TTLL6: variants seen among roughly 807,000 people sequenced by gnomAD.
TTLL6 encodes the protein tubulin polyglutamylase TTLL6.
A neutral mutation model predicts 96.4 loss-of-function variants in TTLL6; 75 were observed. The observed-to-expected ratio is 0.78, with a 90% CI of 0.65 to 0.94. The LOEUF is 0.94. TTLL6 is among the 40% of genes least tolerant of loss of function. The pLI is 0.00. For missense variants in TTLL6, 1,030 were observed against 1,093.0 expected (o/e 0.94, Z 0.81); for synonymous variants, 411 against 419.4 (o/e 0.98, Z 0.24).
chr17:48,764,534 A>C (rs943087505), intron 15 of TTLL6, among the ~76,000 whole-genome samples: 11 of 152,078 alleles, frequency 7.2e-5, no homozygotes, highest in Non-Finnish European at 1.6e-4. Context: ...TGTAAACCTG[A>C]TGTGTGGAAG....
At chr17:48,814,935 C>G (rs545314778) in intron 1 of TTLL6, among the ~76,000 whole-genome samples, 4 of 152,106 alleles carry the variant, frequency 2.6e-5, no homozygotes, top group African/African-American at 9.7e-5. Context: ...TGCACCACCA[C>G]GCCTGGCTAA....
At chr17:48,775,702 C>T (rs7216911) in intron 13 of TTLL6, among the ~76,000 whole-genome samples, 46,240 of 151,676 alleles carry the variant, frequency 0.3, 7,307 homozygotes, top group Admixed American at 0.41. Flanking sequence ...CCACCACATC[C>T]GGTTAATTTT....
chr17:48,795,223 G>A (rs780815180), intron 8 of TTLL6, among the ~76,000 whole-genome samples: 21 of 151,964 alleles, frequency 1.4e-4, no homozygotes, highest in Admixed American at 2.6e-4. Context: ...CTACTTGGGA[G>A]GCTGAGGCAG....
At chr17:48,785,255 T>C in intron 12 of TTLL6, 54 bp from the exon 13 acceptor site, 7 of 1,608,980 alleles carry the variant, frequency 4.4e-6, no homozygotes, top group East Asian at 2.2e-5. Context: ...CTCTATCCAC[T>C]TCCAGATTCA....
chr17:48,784,611 TTCCA>T (rs2039052053), intron 13 of TTLL6, among the ~76,000 whole-genome samples: 6 of 152,096 alleles, frequency 3.9e-5, no homozygotes, highest in African/African-American at 1.4e-4. Flanking sequence ...GGTTTCAGAC[TTCCA>T]GCCTCAAGAA....
chr17:48,769,646 G>A (rs1306564927), intron 14 of TTLL6, 82 bp downstream of exon 14: 24 of 1,505,658 alleles, frequency 1.6e-5, no homozygotes, highest in Non-Finnish European at 2.1e-5. Flanking sequence ...AAGACTGGGA[G>A]CTCCCCAAAG....
chr17:48,771,766 G>A (rs2038753206), intron 13 of TTLL6, among the ~76,000 whole-genome samples: 7 of 151,890 alleles, frequency 4.6e-5, no homozygotes, highest in Admixed American at 4.6e-4. Flanking sequence ...ATGATGTCCA[G>A]CATCCAAACT....
At chr17:48,773,687 A>G in intron 13 of TTLL6, among the ~76,000 whole-genome samples, 1 of 152,070 alleles carries the variant, frequency 6.6e-6, no homozygotes, top group Admixed American at 6.6e-5. Flanking sequence ...GTGTCATTAC[A>G]CTCCAGCCTG....
At chr17:48,776,941 A>C (rs1257195412) in intron 13 of TTLL6, among the ~76,000 whole-genome samples, 4 of 151,648 alleles carry the variant, frequency 2.6e-5, no homozygotes, top group African/African-American at 9.7e-5. Flanking sequence ...TGGAGGACTT[A>C]TATTATCTAA....
chr17:48,770,155 CTATTTTTTTTTTATTTT>C (rs1249104207), intron 13 of TTLL6, 58 bp from the exon 14 acceptor site: 1 of 1,517,774 alleles, frequency 6.6e-7, no homozygotes, highest in East Asian at 2.3e-5. Flanking sequence ...CCTTCCTATG[CTATTTTTTTTTTATTTT>C]TATTTTTTGA....
chr17:48,789,718 C>A (rs2039180672), intron 10 of TTLL6, among the ~76,000 whole-genome samples: 1 of 152,042 alleles, frequency 6.6e-6, no homozygotes, highest in Non-Finnish European at 1.5e-5. Flanking sequence ...CCATACCCGG[C>A]TAATTTTTTT....
At position 48,787,861 on chromosome 17, in the gene TTLL6, G is replaced by C; in HGVS notation, c.1539C>G (p.Asn513Lys). ...AAGCAACAGTATTCTGGAAGAGGGA[G>C]TTGTTGTCCTGGAAAAACTTCTCAT... Reference protein sequence around the residue: ...EKYEKFFQDNNSLFQNTVASR... With the variant: ...EKYEKFFQDNKSLFQNTVASR... The change falls in exon 11 of 16, where the codon AAC (asparagine) becomes AAG (lysine). Residue 513 changes from asparagine to lysine, a missense_variant. Asn to Lys is a moderately conservative substitution (Grantham distance 94). Coordinates refer to ENST00000393382, the MANE Select transcript of TTLL6 (RefSeq NM_001130918.3). The C allele has an allele frequency of 6.2e-7, 1 of 1,614,224 alleles. No individual in the cohort carries two copies. Among genetic ancestry groups the C allele is most frequent in the East Asian group, 2.2e-5 (1 of 44,890 alleles).
intron 8 of TTLL6, among the ~76,000 whole-genome samples, chr17:48,792,762 C>A (rs990197123): frequency 3.3e-5 from 5 of 152,188 alleles, no homozygotes; most frequent in African/African-American, 4.8e-5. Flanking sequence ...CCTCCTCCAC[C>A]TGCCATTGTC....
At chr17:48,778,202 G>A (rs1379481486) in intron 13 of TTLL6, among the ~76,000 whole-genome samples, 1 of 150,946 alleles carries the variant, frequency 6.6e-6, no homozygotes, top group Non-Finnish European at 1.5e-5. Flanking sequence ...ACTTGAACCC[G>A]AGAGGCAGAG....
intron 15 of TTLL6, among the ~76,000 whole-genome samples, chr17:48,766,617 A>G (rs1410761600): frequency 6.6e-6 from 1 of 152,140 alleles, no homozygotes; most frequent in Non-Finnish European, 1.5e-5. Flanking sequence ...TAATCCTAGC[A>G]TTTTGGGAGG....
intron 8 of TTLL6, among the ~76,000 whole-genome samples, chr17:48,792,557 G>C (rs147087003): frequency 1.3e-3 from 205 of 152,290 alleles, no homozygotes; most frequent in South Asian, 0.011. Context: ...GGAGGAAGCA[G>C]GGTCAGCCAG....
chr17:48,792,991 T>C (rs1024045193), intron 8 of TTLL6, among the ~76,000 whole-genome samples: 1 of 152,178 alleles, frequency 6.6e-6, no homozygotes, highest in African/African-American at 2.4e-5. Flanking sequence ...CAGTGGTAAG[T>C]CAATTCAATT....
At chr17:48,790,508 G>A (rs2143365422) in intron 9 of TTLL6, among the ~76,000 whole-genome samples, 1 of 152,276 alleles carries the variant, frequency 6.6e-6, no homozygotes, top group African/African-American at 2.4e-5. Flanking sequence ...CAGGGTGGAG[G>A]GGAGACATGT....
intron 3 of TTLL6, among the ~76,000 whole-genome samples, chr17:48,803,228 C>T (rs1461557900): frequency 1.3e-5 from 2 of 152,122 alleles, no homozygotes; most frequent in African/African-American, 2.4e-5. Context: ...GGCACAGTGG[C>T]TCACACCTAT....
Sources: gnomAD v4.1 joint callset for allele counts (sites outside exome capture counted in the v4.1 genomes callset) on GRCh38, gnomAD v4.1.1 for gene constraint, MANE v1.5 for transcripts, NCBI Gene and HGNC (gene_info 2026-07-23, HGNC 2026-07-21) for gene names.